The following ASXL2 variants were observed in gnomAD, a reference collection of about 807,000 sequenced individuals.
ASXL2 encodes the protein ASXL transcriptional regulator 2, also known as putative Polycomb group protein ASXL2.
ASXL2 carries 23 observed loss-of-function variants against 122.0 expected under a neutral mutation model. The ratio of observed to expected loss-of-function variants is 0.19; its 90% CI spans 0.14 to 0.27. The LOEUF is 0.27. ASXL2 is among the 10% of genes least tolerant of loss of function. ASXL2 has a pLI of 1.00. For synonymous variants in ASXL2, 650 were observed against 637.0 expected, an observed-to-expected ratio of 1.02 and a Z score of -0.31; for missense variants, 1,518 against 1,713.8, an observed-to-expected ratio of 0.89 and a Z score of 2.02.
At chr2:25,816,898 G>C (rs2089244831) in intron 3 of ASXL2, among the ~76,000 whole-genome samples, 1 of 152,216 alleles carries the variant, frequency 6.6e-6, no homozygotes, top group Admixed American at 6.5e-5. Flanking sequence ...GCCGAGGTTG[G>C]CGGATCACCT....
intron 5 of ASXL2, among the ~76,000 whole-genome samples, chr2:25,789,194 T>G (rs1244314556): frequency 6.6e-6 from 1 of 151,828 alleles, no homozygotes; most frequent in Non-Finnish European, 1.5e-5. Flanking sequence ...CAATTTTTTT[T>G]ATTAATGCTA....
chr2:25,812,965 A>G (rs1304156141), intron 3 of ASXL2, among the ~76,000 whole-genome samples: 1 of 152,244 alleles, frequency 6.6e-6, no homozygotes, highest in African/African-American at 2.4e-5. Context: ...AAGCTGTTCA[A>G]GATCATATTA....
intron 3 of ASXL2, among the ~76,000 whole-genome samples, chr2:25,825,957 G>A (rs140888807): frequency 1.3e-5 from 2 of 152,210 alleles, no homozygotes; most frequent in African/African-American, 4.8e-5. Flanking sequence ...AGGTGACCTA[G>A]ACCATTTACC....
At position 25,747,895 on chromosome 2, in the gene ASXL2, G is replaced by A. The variant is rs533001030; in HGVS notation, c.1860+1801C>T. On this transcript the variant is annotated intron_variant, in intron 12 of 12. Coordinates refer to ENST00000435504, the MANE Select transcript of ASXL2 (RefSeq NM_018263.6). ...TTAAAGAGCAATGAATTGGCCAGGC[G>A]TGGTGGCTCACACCTATAACCCTAG... Among the ~76,000 whole-genome samples the A allele has an allele frequency of 4.6e-5, 7 of 152,292 alleles. No homozygotes were observed. In the South Asian group the frequency reaches 6.2e-4, roughly 14 times the overall value.
chr2:25,865,061 G>A (rs2089885625), intron 1 of ASXL2, among the ~76,000 whole-genome samples: 1 of 151,854 alleles, frequency 6.6e-6, no homozygotes, highest in South Asian at 2.1e-4. Context: ...GACCTCAGGT[G>A]ATCCACCCAC....
At chr2:25,848,629 TAAAC>T (rs2089679093) in intron 1 of ASXL2, among the ~76,000 whole-genome samples, 2 of 151,034 alleles carry the variant, frequency 1.3e-5, no homozygotes, top group African/African-American at 2.4e-5. Flanking sequence ...ATCTCAAAAA[TAAAC>T]AAACAAATAA....
intron 1 of ASXL2, among the ~76,000 whole-genome samples, chr2:25,863,157 A>G (rs532440386): frequency 4.1e-4 from 62 of 151,402 alleles, no homozygotes; most frequent in African/African-American, 1.4e-3. Context: ...GTAAAACCCC[A>G]TCTCTACTAA....
At chr2:25,748,354 A>G (rs1421280875) in intron 12 of ASXL2, among the ~76,000 whole-genome samples, 2 of 151,650 alleles carry the variant, frequency 1.3e-5, no homozygotes, top group Admixed American at 1.3e-4. Context: ...AAAATTACAA[A>G]AATTAGCCAG....
intron 5 of ASXL2, among the ~76,000 whole-genome samples, chr2:25,783,312 A>G (rs1051944495): frequency 6.6e-6 from 1 of 151,664 alleles, no homozygotes; most frequent in Non-Finnish European, 1.5e-5. Context: ...AAAGTATCCC[A>G]TTTCATCTAC....
chr2:25,874,028 GC>G (rs1162793737), intron 1 of ASXL2, among the ~76,000 whole-genome samples: 1 of 152,154 alleles, frequency 6.6e-6, no homozygotes, highest in Non-Finnish European at 1.5e-5. Flanking sequence ...TTTTTAATGA[GC>G]CTAATTTTGA....
Position 25,799,378 on chromosome 2 carries a change from G to T in ASXL2, c.403+7C>A. The T allele has an allele frequency of 6.2e-7, 1 of 1,613,960 alleles. No homozygotes were observed. Among genetic ancestry groups the T allele is most frequent in the Non-Finnish European group, 8.5e-7 (1 of 1,179,866 alleles). On this transcript the variant is annotated splice_region_variant and intron_variant, in intron 5 of 12. Transcript: ENST00000435504. ...TAGTACTTTATTGAAGGATCAGGTGGATTTACCTTTCCTTTTCCACCTGCT... is the reference window on the plus strand; with the variant it reads ...TAGTACTTTATTGAAGGATCAGGTGTATTTACCTTTCCTTTTCCACCTGCT...
chr2:25,853,494 T>C (rs2089742394), intron 1 of ASXL2, among the ~76,000 whole-genome samples: 1 of 152,184 alleles, frequency 6.6e-6, no homozygotes, highest in Non-Finnish European at 1.5e-5. Context: ...CCACAGTCTT[T>C]TAATGTTGGT....
chr2:25,795,058 T>C (rs964695223), intron 5 of ASXL2, among the ~76,000 whole-genome samples: 2 of 152,304 alleles, frequency 1.3e-5, no homozygotes, highest in East Asian at 1.9e-4. Context: ...TTCTTCATAA[T>C]TGGTAGCTTG....
At chr2:25,786,240 A>ATTT (rs1559510977) in intron 5 of ASXL2, among the ~76,000 whole-genome samples, 1 of 41,586 alleles carries the variant, frequency 2.4e-5, no homozygotes, top group Non-Finnish European at 3.6e-5. Flanking sequence ...ACTCCACATC[A>ATTT]TTCTTTTTTT....
chr2:25,743,290 G>T lies in ASXL2; in HGVS notation c.3047C>A (p.Thr1016Lys), dbSNP rs747070149. 6.2e-7 allele frequency: 1 copy of T among 1,613,744 alleles called. No homozygotes were observed. The highest frequency in any genetic ancestry group is 8.5e-7 in the Non-Finnish European group (1 of 1,179,852). ...CAAGGTTTTGCCCAGCTGCTGCTGC[G>T]TAGCTGGATGGGACTGTCTCTCATT... The part of the protein sequence containing the change: ...EVNERQSHPA[T>K]QQQLGKTLQS... Residue 1016 changes from threonine to lysine, a missense_variant, in exon 13 of 13, where the codon ACG becomes AAG. Physicochemically the swap from Thr to Lys is moderately conservative, Grantham distance 78. Coordinates refer to ENST00000435504, the MANE Select transcript of ASXL2 (RefSeq NM_018263.6).
intron 1 of ASXL2, among the ~76,000 whole-genome samples, chr2:25,853,923 G>T (rs993455054): frequency 1.3e-5 from 2 of 152,060 alleles, no homozygotes; most frequent in Admixed American, 1.3e-4. Flanking sequence ...TAGTAAAAAT[G>T]CCTCTTTTTA....
intron 1 of ASXL2, among the ~76,000 whole-genome samples, chr2:25,847,677 C>T (rs2089664346): frequency 6.6e-6 from 1 of 152,114 alleles, no homozygotes; most frequent in Non-Finnish European, 1.5e-5. Flanking sequence ...AACAAAAATA[C>T]ACCATGGACC....
At position 25,743,765 on chromosome 2, in the gene ASXL2, T is replaced by C; in HGVS notation, c.2572A>G (p.Lys858Glu). Reference protein sequence around the residue: ...HCAADGTVELKAGPSKNIPNP... With the variant: ...HCAADGTVELEAGPSKNIPNP... ...GGTATATTCTTACTAGGACCTGCTTTGAGCTCAACTGTGCCATCAGCTGCA... is the reference window on the plus strand; with the variant it reads ...GGTATATTCTTACTAGGACCTGCTTCGAGCTCAACTGTGCCATCAGCTGCA... The change falls in exon 13 of 13, where the codon AAA becomes GAA. Residue 858 changes from lysine (K) to glutamate (E), a missense_variant. Physicochemically the swap from Lys to Glu is moderately conservative, Grantham distance 56. Around this residue, in one of 8 missense-constraint regions of ASXL2, gnomAD observed 831 missense variants for 833.1 expected, o/e 1.00. Transcript: ENST00000435504. 4 of 1,614,036 alleles carry C rather than the reference T, an allele frequency of 2.5e-6. No homozygotes were observed. The highest frequency in any genetic ancestry group is 3.4e-6 in the Non-Finnish European group (4 of 1,179,896).
chr2:25,784,708 C>T (rs1027460563), intron 5 of ASXL2, among the ~76,000 whole-genome samples: 2 of 152,216 alleles, frequency 1.3e-5, no homozygotes, highest in African/African-American at 4.8e-5. Context: ...CATCGTCACA[C>T]GGCACTCTCT....
Sources: gnomAD v4.1 joint callset for allele counts (sites outside exome capture counted in the v4.1 genomes callset) on GRCh38, gnomAD v4.1.1 for gene constraint, gnomAD v4.1.1 regional missense constraint, MANE v1.5 for transcripts, NCBI Gene and HGNC (gene_info 2026-07-23, HGNC 2026-07-21) for gene names.